HS2ST1: variants seen among roughly 807,000 people sequenced by gnomAD.
The protein encoded by HS2ST1 is 2-O-sulfotransferase.
A neutral mutation model predicts 42.9 loss-of-function variants in HS2ST1; 18 were observed. That is an observed-to-expected ratio of 0.42 (90% CI 0.29 to 0.62). The LOEUF (loss-of-function observed/expected upper bound fraction) is 0.62, where lower values mean the gene tolerates loss of function less well. Among genes scored for constraint, HS2ST1 ranks in the 20% least tolerant of loss-of-function variants. The probability of loss-of-function intolerance (pLI) is 0.21; values close to 1 mark genes in which losing one functional copy is unlikely to be tolerated. For missense variants in HS2ST1, 334 were observed against 433.8 expected, an observed-to-expected ratio of 0.77 and a Z score of 2.04; for synonymous variants, 146 against 152.9, an observed-to-expected ratio of 0.95 and a Z score of 0.33.
chr1:87,027,151 A>G (rs780055377), intron 1 of HS2ST1, among the ~76,000 whole-genome samples: 2 of 152,162 alleles, frequency 1.3e-5, no homozygotes, highest in Non-Finnish European at 2.9e-5. Flanking sequence ...AGCACTGTGC[A>G]GCTTCCTGTG....
At chr1:86,990,502 G>T (rs1648911120) in intron 1 of HS2ST1, among the ~76,000 whole-genome samples, 1 of 152,012 alleles carries the variant, frequency 6.6e-6, no homozygotes, top group East Asian at 1.9e-4. Flanking sequence ...AAAGGGGATA[G>T]AATAAATAAA....
Position 87,104,997 on chromosome 1 carries a change from A to G in HS2ST1, c.*301A>G, listed in dbSNP as rs1256684582. Reference sequence around the variant, plus strand: ...CAGGTCTAATCAAAAGGCTAAATACAATTTCAGAAAAGGTTCTGATACTCT... The same window carrying G: ...CAGGTCTAATCAAAAGGCTAAATACGATTTCAGAAAAGGTTCTGATACTCT... On this transcript the variant is annotated 3_prime_UTR_variant, in exon 7 of 7. Coordinates refer to ENST00000370550, the MANE Select transcript of HS2ST1 (RefSeq NM_012262.4). The G allele has an allele frequency of 1.1e-5, 3 of 265,816 alleles. No homozygotes were observed. The highest frequency in any genetic ancestry group is 2.1e-5 in the Non-Finnish European group (3 of 140,038). The allele number at this position is 265,816 out of a possible 1,614,324, so 16.5% of individuals were successfully genotyped here. A position where few individuals can be genotyped will look rare whatever the true frequency, so the allele number is the denominator to read the frequency against.
At chr1:86,948,943 CTG>C (rs1292297687) in intron 1 of HS2ST1, among the ~76,000 whole-genome samples, 1 of 152,074 alleles carries the variant, frequency 6.6e-6, no homozygotes, top group African/African-American at 2.4e-5. Flanking sequence ...AAATGAGAGT[CTG>C]TGTAAGGTAC....
At chr1:86,983,463 C>T (rs765725762) in intron 1 of HS2ST1, among the ~76,000 whole-genome samples, 1 of 152,068 alleles carries the variant, frequency 6.6e-6, no homozygotes, top group Non-Finnish European at 1.5e-5. Context: ...TGCGAGAACT[C>T]ACTCACTATC....
chr1:87,096,943 G>GAT (rs1411755053), intron 4 of HS2ST1, among the ~76,000 whole-genome samples: 1 of 152,186 alleles, frequency 6.6e-6, no homozygotes, highest in East Asian at 1.9e-4. Flanking sequence ...TGGCACAAAT[G>GAT]ATAATAAAAC....
At chr1:86,967,473 C>T (rs1325255209) in intron 1 of HS2ST1, among the ~76,000 whole-genome samples, 1 of 152,026 alleles carries the variant, frequency 6.6e-6, no homozygotes, top group Non-Finnish European at 1.5e-5. Flanking sequence ...ACTGAGTCTC[C>T]AAAGTCCATT....
At chr1:86,966,533 T>G (rs954012553) in intron 1 of HS2ST1, among the ~76,000 whole-genome samples, 3 of 152,268 alleles carry the variant, frequency 2.0e-5, no homozygotes, top group African/African-American at 7.2e-5. Flanking sequence ...CTTAGTTGGA[T>G]TAGAAACGTG....
chr1:86,922,943 G>A (rs1250739936), intron 1 of HS2ST1, among the ~76,000 whole-genome samples: 1 of 151,852 alleles, frequency 6.6e-6, no homozygotes, highest in Non-Finnish European at 1.5e-5. Context: ...CTCCTCTCAG[G>A]AACTCAAAAT....
At chr1:86,942,389 G>A (rs960482889) in intron 1 of HS2ST1, among the ~76,000 whole-genome samples, 1 of 152,138 alleles carries the variant, frequency 6.6e-6, no homozygotes, top group Non-Finnish European at 1.5e-5. Flanking sequence ...TAACAGTGCA[G>A]TTAAAATAGG....
intron 3 of HS2ST1, among the ~76,000 whole-genome samples, chr1:87,090,521 C>T (rs1219671885): frequency 6.6e-6 from 1 of 151,926 alleles, no homozygotes; most frequent in Non-Finnish European, 1.5e-5. Flanking sequence ...CTCTTAGGTG[C>T]AGGATGTGTC....
chr1:87,097,842 T>C lies in HS2ST1; in HGVS notation c.593T>C (p.Phe198Ser), dbSNP rs1374941582. The change falls in exon 5 of 7, where the codon TTT becomes TCT. Residue 198 changes from phenylalanine to serine, a missense_variant. Coordinates refer to ENST00000370550, the MANE Select transcript of HS2ST1 (RefSeq NM_012262.4). ...GCTGCTTTGTCTTTGTTCTAGACCT[T>C]TGATGAATGTGTAGCAGAAGGTGGC... ...RRRKQGDKKT[F>S]DECVAEGGSD... The C allele has an allele frequency of 6.2e-7, 1 of 1,613,912 alleles. No individual in the cohort carries two copies. The highest frequency in any genetic ancestry group is 8.5e-7 in the Non-Finnish European group (1 of 1,179,944).
Position 86,914,983 on chromosome 1 carries a change from G to C in HS2ST1, c.-54G>C. The C allele has an allele frequency of 6.2e-7, 1 of 1,608,156 alleles. No homozygotes were observed. The highest frequency in any genetic ancestry group is 8.5e-7 in the Non-Finnish European group (1 of 1,178,458). ...TCCTCCCGGCGTCTCTCTCGCCTCCGGGGTCCCGCTCCCCGCCCCCCGCGG... is the reference window on the plus strand; with the variant it reads ...TCCTCCCGGCGTCTCTCTCGCCTCCCGGGTCCCGCTCCCCGCCCCCCGCGG... On this transcript the variant is annotated 5_prime_UTR_variant, in exon 1 of 7. Transcript: ENST00000370550.
chr1:87,064,604 A>G (rs776277523), intron 1 of HS2ST1: 7 of 490,036 alleles, frequency 1.4e-5, no homozygotes, highest in South Asian at 7.5e-5. Flanking sequence ...TACCTTGCAT[A>G]TAGAAATTTA....
At chr1:86,953,724 A>C (rs372107593) in intron 1 of HS2ST1, among the ~76,000 whole-genome samples, 1 of 152,072 alleles carries the variant, frequency 6.6e-6, no homozygotes, top group Admixed American at 6.6e-5. Context: ...GCACCACTGC[A>C]CTCCATCCTG....
rs201520131 is a variant in HS2ST1 at position 86,976,704 on chromosome 1, G to A, written c.124+61544G>A. On this transcript the variant is annotated intron_variant, in intron 1 of 6. Transcript: ENST00000370550. ...AAATCCATCTTTTCTTTATAAAATT[G>A]TATATATATATATATATTTTAAATG... Among the ~76,000 whole-genome samples, 157 of 79,604 alleles carry A rather than the reference G, an allele frequency of 2.0e-3. 3 individuals are homozygous for A. Among genetic ancestry groups the A allele is most frequent in the East Asian group, 2.5e-3 (4 of 1,572 alleles). 52.2% of individuals were successfully genotyped at this position (79,604 alleles called of 152,430 possible).
chr1:86,924,738 G>A (rs1418674372), intron 1 of HS2ST1, among the ~76,000 whole-genome samples: 1 of 152,150 alleles, frequency 6.6e-6, no homozygotes, highest in Non-Finnish European at 1.5e-5. Flanking sequence ...GTTGCACATA[G>A]CACGGGGACC....
intron 1 of HS2ST1, among the ~76,000 whole-genome samples, chr1:86,959,631 C>T (rs529017577): frequency 6.6e-6 from 1 of 152,132 alleles, no homozygotes; most frequent in South Asian, 2.1e-4. Context: ...GCTCTCCAGC[C>T]TGGGTGACAG....
intron 1 of HS2ST1, among the ~76,000 whole-genome samples, chr1:87,020,350 A>G (rs1325611338): frequency 6.6e-6 from 1 of 152,128 alleles, no homozygotes; most frequent in African/African-American, 2.4e-5. Context: ...TGCATCTTTC[A>G]TGTCTGATCA....
At chr1:87,037,908 T>C (rs1027035809) in intron 1 of HS2ST1, among the ~76,000 whole-genome samples, 31 of 152,150 alleles carry the variant, frequency 2.0e-4, no homozygotes, top group African/African-American at 6.5e-4. Context: ...TCTGCAGTTA[T>C]GAGCAGTTCA....
Sources: gnomAD v4.1 joint callset for allele counts (sites outside exome capture counted in the v4.1 genomes callset) on GRCh38, gnomAD v4.1.1 for gene constraint, MANE v1.5 for transcripts, NCBI Gene and HGNC (gene_info 2026-07-23, HGNC 2026-07-21) for gene names.